The following FGF14 variants were observed in gnomAD, a reference collection of about 807,000 sequenced individuals.
FGF14 encodes the protein fibroblast growth factor homologous factor 4.
FGF14 carries 5 observed loss-of-function variants against 25.5 expected under a neutral mutation model. That is an observed-to-expected ratio of 0.20 (90% CI 0.10 to 0.41). FGF14 has a LOEUF of 0.41. FGF14 is among the 10% of genes least tolerant of loss of function. FGF14 has a pLI of 1.00. For synonymous variants in FGF14, 138 were observed against 118.3 expected (o/e 1.17, Z -1.08); for missense variants, 222 against 320.1 (o/e 0.69, Z 2.34).
intron 3 of FGF14, among the ~76,000 whole-genome samples, chr13:101,855,382 A>C (rs2044073312): frequency 6.6e-6 from 1 of 152,048 alleles, no homozygotes; most frequent in Admixed American, 6.6e-5. Flanking sequence ...AAACACTGAC[A>C]TCAATAGAAA....
At chr13:102,113,257 T>A (rs1208036544) in intron 1 of FGF14, among the ~76,000 whole-genome samples, 2 of 152,228 alleles carry the variant, frequency 1.3e-5, no homozygotes, top group Non-Finnish European at 2.9e-5. Context: ...GGAACCACCT[T>A]CCTGATTGAT....
intron 1 of FGF14, among the ~76,000 whole-genome samples, chr13:102,046,500 A>G (rs2041989602): frequency 6.6e-6 from 1 of 152,170 alleles, no homozygotes; most frequent in Non-Finnish European, 1.5e-5. Flanking sequence ...CAAATAGGAA[A>G]AGTGAGTATA....
chr13:101,795,757 G>T (rs775885162), intron 3 of FGF14, among the ~76,000 whole-genome samples: 7 of 152,084 alleles, frequency 4.6e-5, no homozygotes, highest in Admixed American at 4.6e-4. Flanking sequence ...CACAATCACG[G>T]TACATCAAGT....
chr13:102,141,516 T>C (rs555027630), intron 1 of FGF14, among the ~76,000 whole-genome samples: 1 of 152,346 alleles, frequency 6.6e-6, no homozygotes, highest in East Asian at 1.9e-4. Flanking sequence ...AAAATGTACT[T>C]ACTTTTTCTC....
chr13:101,875,418 G>C, intron 1 of FGF14, 122 bp from the exon 2 acceptor site: 1 of 722,872 alleles, frequency 1.4e-6, no homozygotes, highest in South Asian at 1.5e-5. Flanking sequence ...ATTTTATTTT[G>C]TCTCTCAGAT....
chr13:102,307,950 G>A (rs1177966976), intron 1 of FGF14, among the ~76,000 whole-genome samples: 2 of 151,984 alleles, frequency 1.3e-5, no homozygotes, highest in African/African-American at 4.8e-5. Flanking sequence ...AAGAAACCTG[G>A]GGCCTAGAAA....
chr13:101,813,485 A>C (rs988641577), intron 3 of FGF14, among the ~76,000 whole-genome samples: 1 of 150,986 alleles, frequency 6.6e-6, no homozygotes, highest in Admixed American at 6.5e-5. Context: ...ATGCAGCAAG[A>C]AGCCTTCACC....
chr13:102,269,556 T>C (rs1252943156), intron 1 of FGF14, among the ~76,000 whole-genome samples: 1 of 152,214 alleles, frequency 6.6e-6, no homozygotes, highest in African/African-American at 2.4e-5. Flanking sequence ...TATTTTATTA[T>C]ATTTTATTGT....
rs1002851523 is a variant in FGF14, at chr13:101,720,720, T to TAATA, written c.*2107_*2110dup. On this transcript the variant is annotated 3_prime_UTR_variant, in exon 5 of 5. Coordinates refer to ENST00000376143, the MANE Select transcript of FGF14 (RefSeq NM_004115.4). ...AAATAATTGGTTAATGGAAGTTATC[T>TAATA]AATATATTTTAACTGTTCCTGTTAA... is the stretch of plus-strand genomic sequence containing the variant. The TAATA allele has an allele frequency of 4.0e-5, 6 of 151,112 alleles. No homozygotes were observed. Among genetic ancestry groups the TAATA allele is most frequent in the Admixed American group, 3.3e-4 (5 of 15,258 alleles). The allele number at this position is 151,112 out of a possible 1,614,324, so 9.4% of individuals were successfully genotyped here. A position where few individuals can be genotyped will look rare whatever the true frequency, so the allele number is the denominator to read the frequency against.
intron 3 of FGF14, among the ~76,000 whole-genome samples, chr13:101,757,401 A>T (rs1157135349): frequency 6.6e-6 from 1 of 152,212 alleles, no homozygotes; most frequent in Non-Finnish European, 1.5e-5. Context: ...TTCAGAGCTG[A>T]ATTTATTAAT....
intron 1 of FGF14, among the ~76,000 whole-genome samples, chr13:102,100,119 C>T (rs2044588815): frequency 6.6e-6 from 1 of 152,138 alleles, no homozygotes; most frequent in Non-Finnish European, 1.5e-5. Flanking sequence ...TGCCTGGATG[C>T]AGTTCCAGGG....
intron 1 of FGF14, among the ~76,000 whole-genome samples, chr13:101,928,494 T>A (rs1208365954): frequency 6.6e-6 from 1 of 152,124 alleles, no homozygotes; most frequent in Non-Finnish European, 1.5e-5. Context: ...ATTTCTCAAT[T>A]TTATTCGTTT....
chr13:102,369,941 T>C (rs1450663689), intron 1 of FGF14, among the ~76,000 whole-genome samples: 1 of 152,184 alleles, frequency 6.6e-6, no homozygotes, highest in African/African-American at 2.4e-5. Flanking sequence ...GTCCACAATT[T>C]GGTCTGCCTC....
At chr13:102,030,338 C>T (rs1236825217) in intron 1 of FGF14, among the ~76,000 whole-genome samples, 1 of 152,002 alleles carries the variant, frequency 6.6e-6, no homozygotes, top group Non-Finnish European at 1.5e-5. Context: ...CCCCACATGC[C>T]TTCAAAGATG....
intron 1 of FGF14, chr13:102,262,911 G>C (rs1029635416): frequency 2.3e-5 from 8 of 346,196 alleles, no homozygotes; most frequent in African/African-American, 1.7e-4. Context: ...GATTCAGAGA[G>C]AAAAAAATAT....
At chr13:102,161,697 G>GTACCCC (rs1566765920) in intron 1 of FGF14, among the ~76,000 whole-genome samples, 21,011 of 117,396 alleles carry the variant, frequency 0.18, 1,538 homozygotes, top group Middle Eastern at 0.25. Context: ...AGAAGAAGAA[G>GTACCCC]AAGAAGAAGA....
chr13:102,274,588 T>C (rs2141176645), intron 1 of FGF14, among the ~76,000 whole-genome samples: 1 of 152,234 alleles, frequency 6.6e-6, no homozygotes, highest in South Asian at 2.1e-4. Context: ...AAAATGTTGC[T>C]CAGAAGTTCT....
intron 1 of FGF14, among the ~76,000 whole-genome samples, chr13:102,072,903 T>C (rs2043209170): frequency 6.6e-6 from 1 of 152,236 alleles, no homozygotes; most frequent in Non-Finnish European, 1.5e-5. Context: ...AAAGTGGTGA[T>C]ATTTGTGGCA....
chr13:102,158,632 G>A (rs1298085520), intron 1 of FGF14, among the ~76,000 whole-genome samples: 1 of 151,680 alleles, frequency 6.6e-6, no homozygotes, highest in Non-Finnish European at 1.5e-5. Flanking sequence ...TAACAGACCT[G>A]CACATTGTGC....
Sources: gnomAD v4.1 joint callset for allele counts (sites outside exome capture counted in the v4.1 genomes callset) on GRCh38, gnomAD v4.1.1 for gene constraint, MANE v1.5 for transcripts, NCBI Gene and HGNC (gene_info 2026-07-23, HGNC 2026-07-21) for gene names.